PMP22: variants seen among roughly 807,000 people sequenced by gnomAD.
PMP22 encodes the protein peripheral myelin protein 22, also known as Charcot-Marie-Tooth neuropathy 1A (greatly reduced nerve conduction velocity, hereditary motor sensory neuropathy Ia).
Under a neutral mutation model 18.9 loss-of-function variants are expected in PMP22, and 2 were observed. The ratio of observed to expected loss-of-function variants is 0.11; its 90% CI spans 0.04 to 0.33. PMP22 has a LOEUF of 0.33. Among genes scored for constraint, PMP22 ranks in the 10% least tolerant of loss-of-function variants. PMP22 has a pLI of 1.00. For synonymous variants in PMP22, 95 were observed against 89.2 expected, an observed-to-expected ratio of 1.07 and a Z score of -0.37; for missense variants, 169 against 202.2, an observed-to-expected ratio of 0.84 and a Z score of 1.00.
intron 4 of PMP22, 156 bp downstream of exon 4, chr17:15,239,315 A>T: frequency 1.2e-6 from 1 of 827,722 alleles, no homozygotes; most frequent in Admixed American, 1.8e-5. Context: ...GTACACACCC[A>T]CACATACAAG....
intron 3 of PMP22, among the ~76,000 whole-genome samples, chr17:15,252,396 T>TTGCTGCTGC (rs111928632): frequency 3.4e-4 from 51 of 151,090 alleles, no homozygotes; most frequent in Middle Eastern, 3.4e-3. Context: ...GAGTTTGCTG[T>TTGCTGCTGC]TGCTGCTGCT....
In PMP22 at chr17:15,261,550, T is replaced by G. The variant is rs1252978568; in HGVS notation, c.-34-789A>C. ...ATTCTGCTCTTGCGCTAGACCCACG[T>G]GCTCGCCTAGGGGTCCAGTCTGCAC... On this transcript the variant is annotated intron_variant, in intron 1 of 4. Transcript: ENST00000312280. The surrounding 1 kb of genome is among the most constrained non-coding windows in gnomAD (Gnocchi z 5.2). The G allele has an allele frequency of 6.6e-6, 1 of 152,254 alleles. No homozygotes were observed. The highest frequency in any genetic ancestry group is 2.4e-5 in the African/African-American group (1 of 41,432). The allele number at this position is 152,254 out of a possible 1,614,324, so 9.4% of individuals were successfully genotyped here. A position where few individuals can be genotyped will look rare whatever the true frequency, so the allele number is the denominator to read the frequency against.
chr17:15,259,195 TAGAG>T lies in PMP22; in HGVS notation c.79-6_79-3del. On this transcript the variant is annotated splice_region_variant and splice_polypyrimidine_tract_variant and intron_variant, in intron 2 of 4. Transcript: ENST00000312280. The stretch of plus-strand genomic sequence containing the variant: ...GTGTCCATTGCCCACGATCCATTGC[TAGAG>T]AGAATCAGATAGATATCCTGAGTCA... 6.2e-7 allele frequency: 1 copy of T among 1,607,816 alleles called. No homozygotes were observed. Among genetic ancestry groups the T allele is most frequent in the Non-Finnish European group, 8.5e-7 (1 of 1,174,384 alleles).
At chr17:15,259,669 C>T (rs1024344046) in intron 2 of PMP22, among the ~76,000 whole-genome samples, 1 of 151,712 alleles carries the variant, frequency 6.6e-6, no homozygotes, top group Admixed American at 6.6e-5. Context: ...AGGCCGGGCA[C>T]GGTGGCTCAC....
intron 3 of PMP22, among the ~76,000 whole-genome samples, chr17:15,255,883 T>C (rs9901981): frequency 0.092 from 13,966 of 152,136 alleles, 2,052 homozygotes; most frequent in African/African-American, 0.31. Context: ...TGCTCTGCCT[T>C]CCAAGGGAGT....
chr17:15,260,837 G>C lies in PMP22; in HGVS notation c.-34-76C>G, dbSNP rs576048994. 1,095 of 1,025,760 alleles carry C rather than the reference G, an allele frequency of 1.1e-3. 5 individuals are homozygous for C. The highest frequency in any genetic ancestry group is 3.5e-3 in the South Asian group (259 of 73,492). The allele number at this position is 1,025,760 out of a possible 1,614,324, so 63.5% of individuals were successfully genotyped here. On this transcript the variant is annotated intron_variant, in intron 1 of 4. Transcript: ENST00000312280. ...GAGGCGCGCGCAGAGGGAGGGTCCC[G>C]CGCACTAGCGGAAGGCCCGGCCTGG...
At chr17:15,254,029 C>T (rs774523705) in intron 3 of PMP22, among the ~76,000 whole-genome samples, 5 of 152,066 alleles carry the variant, frequency 3.3e-5, no homozygotes, top group Non-Finnish European at 7.4e-5. Flanking sequence ...GAGAGACTCC[C>T]GAAGTGGGAA....
At chr17:15,264,273 G>T (rs1909569025) in intron 1 of PMP22, among the ~76,000 whole-genome samples, 1 of 138,130 alleles carries the variant, frequency 7.2e-6, no homozygotes, top group Admixed American at 7.3e-5. Flanking sequence ...GATAGATAAA[G>T]ATTTATAAAT....
intron 1 of PMP22, among the ~76,000 whole-genome samples, chr17:15,262,135 A>G (rs1909392370): frequency 6.6e-6 from 1 of 152,216 alleles, no homozygotes; most frequent in Non-Finnish European, 1.5e-5. Flanking sequence ...AGTGTGTCCC[A>G]GAGTCAACGC....
intron 3 of PMP22, chr17:15,251,528 T>G (rs1251755353): frequency 6.5e-6 from 1 of 154,140 alleles, no homozygotes; most frequent in Admixed American, 6.5e-5. Context: ...AGGTAATAAG[T>G]TCCCCATCAG....
chr17:15,259,340 A>C (rs1009048239), intron 2 of PMP22, 147 bp from the exon 3 acceptor site: 4 of 707,832 alleles, frequency 5.7e-6, no homozygotes, highest in Non-Finnish European at 1.0e-5. Flanking sequence ...CCAACGTTTT[A>C]TGACTTAAAA....
At chr17:15,235,074 TC>T (rs1461733159) in intron 4 of PMP22, 1 of 611,190 alleles carries the variant, frequency 1.6e-6, no homozygotes, top group African/African-American at 1.8e-5. Flanking sequence ...CTCACCTCAG[TC>T]TTTCAAAGTG....
chr17:15,262,056 G>A (rs769152869), intron 1 of PMP22, among the ~76,000 whole-genome samples: 1 of 152,200 alleles, frequency 6.6e-6, no homozygotes, highest in Non-Finnish European at 1.5e-5. Flanking sequence ...CCGATGGCAG[G>A]AGGCTGGGAA....
At chr17:15,252,902 G>A (rs530082574) in intron 3 of PMP22, among the ~76,000 whole-genome samples, 24 of 152,290 alleles carry the variant, frequency 1.6e-4, no homozygotes, top group Non-Finnish European at 2.6e-4. Context: ...CTCCCAAGCC[G>A]CCTGTGGCTT....
intron 3 of PMP22, among the ~76,000 whole-genome samples, chr17:15,240,392 T>C (rs1907216492): frequency 6.7e-6 from 1 of 149,920 alleles, no homozygotes; most frequent in Admixed American, 6.8e-5. Flanking sequence ...ATCAATTTGC[T>C]TGGACAACCC....
At chr17:15,260,202 A>G (rs1331087431) in intron 2 of PMP22, 1 of 258,338 alleles carries the variant, frequency 3.9e-6, no homozygotes, top group Non-Finnish European at 7.6e-6. Context: ...GGGACCTGTG[A>G]ACTCTTTTCC....
intron 1 of PMP22, among the ~76,000 whole-genome samples, chr17:15,264,012 A>T (rs1323268262): frequency 1.3e-5 from 2 of 152,320 alleles, no homozygotes; most frequent in East Asian, 3.9e-4. Flanking sequence ...TGCAAAAGGA[A>T]ATAGTAATGC....
intron 2 of PMP22, chr17:15,260,191 TG>T (rs1163971863): frequency 8.0e-6 from 2 of 250,722 alleles, no homozygotes; most frequent in African/African-American, 4.4e-5. Context: ...AAAGCCGACA[TG>T]GGACCTGTGA....
intron 4 of PMP22, among the ~76,000 whole-genome samples, chr17:15,231,672 A>C (rs534991778): frequency 9.9e-5 from 15 of 152,284 alleles, no homozygotes; most frequent in African/African-American, 3.6e-4. Context: ...GTGGAGAGGG[A>C]AAAAGAAAGT....
Sources: gnomAD v4.1 joint callset for allele counts (sites outside exome capture counted in the v4.1 genomes callset) on GRCh38, gnomAD v4.1.1 for gene constraint, Gnocchi (gnomAD v3.1) non-coding constraint, MANE v1.5 for transcripts, NCBI Gene and HGNC (gene_info 2026-07-23, HGNC 2026-07-21) for gene names.